The following SCN9A variants were observed in gnomAD, a reference collection of about 807,000 sequenced individuals.
SCN9A encodes sodium voltage-gated channel alpha subunit 9, also known as sodium channel protein type 9 subunit alpha.
A neutral mutation model predicts 187.0 loss-of-function variants in SCN9A; 131 were observed. The ratio of observed to expected loss-of-function variants is 0.70; its 90% CI spans 0.61 to 0.81. SCN9A has a LOEUF of 0.81. Among genes scored for constraint, SCN9A ranks in the 30% least tolerant of loss-of-function variants. The probability of loss-of-function intolerance (pLI) is 0.00; values close to 1 mark genes in which losing one functional copy is unlikely to be tolerated. For missense variants in SCN9A, 2,252 were observed against 2,396.6 expected (o/e 0.94, Z 1.26); for synonymous variants, 809 against 808.6 (o/e 1.00, Z -0.01).
chr2:166,232,852 A>ATAAT (rs1455368993), intron 21 of SCN9A, among the ~76,000 whole-genome samples: 1 of 147,532 alleles, frequency 6.8e-6, no homozygotes, highest in African/African-American at 2.5e-5. Flanking sequence ...AGTCTTTCAT[A>ATAAT]TTCTGTATAT....
At chr2:166,349,139 A>G (rs1699972768) in intron 1 of SCN9A, among the ~76,000 whole-genome samples, 1 of 151,918 alleles carries the variant, frequency 6.6e-6, no homozygotes, top group South Asian at 2.1e-4. Flanking sequence ...ACAAACAAAC[A>G]AACAAACAAA....
At chr2:166,284,313 A>T in intron 12 of SCN9A, 140 bp downstream of exon 12, 1 of 963,240 alleles carries the variant, frequency 1.0e-6, no homozygotes, top group South Asian at 1.5e-5. Flanking sequence ...TAGGCTAATG[A>T]ATCAAAGGTG....
At chr2:166,236,698 C>G (rs1381927021) in intron 20 of SCN9A, among the ~76,000 whole-genome samples, 3 of 152,300 alleles carry the variant, frequency 2.0e-5, no homozygotes. Context: ...GCTGGGATTA[C>G]AGGCGTGAGC....
chr2:166,293,728 C>T (rs755655469), intron 8 of SCN9A, among the ~76,000 whole-genome samples: 9 of 152,088 alleles, frequency 5.9e-5, no homozygotes, highest in Admixed American at 3.3e-4. Flanking sequence ...TTTCAACAGA[C>T]GTTTTGTGAT....
chr2:166,284,635 G>T lies in SCN9A; in HGVS notation c.1792C>A (p.Arg598Ser), dbSNP rs200065703. The T allele has an allele frequency of 3.1e-6, 5 of 1,613,988 alleles. No homozygotes were observed. In the African/African-American group the frequency reaches 4.0e-5, roughly 13 times the overall value. The change falls in exon 12 of 27, where the codon CGC (arginine) becomes AGC (serine). Residue 598 changes from arginine to serine, a missense_variant. Arg to Ser is a moderately radical substitution (Grantham distance 110). This residue lies in a region of SCN9A where 1,013 missense variants were observed against 997.4 expected (regional missense o/e 1.02). Transcript: ENST00000642356. ...CTGGCTTGGCTGATGTTACTGCTGC[G>T]TCGCTCCTGGGGTCTGTGGGGCACA... Reference protein sequence around the residue: ...LFVPHRPQERRSSNISQASRS... With the variant: ...LFVPHRPQERSSSNISQASRS...
intron 1 of SCN9A, among the ~76,000 whole-genome samples, chr2:166,344,305 G>C (rs1699852466): frequency 6.6e-6 from 1 of 151,852 alleles, no homozygotes; most frequent in East Asian, 1.9e-4. Context: ...TAATAATAAG[G>C]CTTTTTATTA....
At chr2:166,300,802 T>C (rs1698519715) in intron 7 of SCN9A, 1 of 150,924 alleles carries the variant, frequency 6.6e-6, no homozygotes, top group Non-Finnish European at 1.5e-5. Context: ...GAAGACAGGA[T>C]TGTGGTATAA....
chr2:166,248,776 C>T (rs978835247), intron 18 of SCN9A, among the ~76,000 whole-genome samples: 7 of 152,110 alleles, frequency 4.6e-5, no homozygotes, highest in African/African-American at 9.7e-5. Context: ...AAGTAATTCT[C>T]GTGCCTCAGC....
chr2:166,339,747 A>G (rs1699717986), intron 1 of SCN9A, among the ~76,000 whole-genome samples: 1 of 152,208 alleles, frequency 6.6e-6, no homozygotes, highest in South Asian at 2.1e-4. Context: ...TATAAAGGTT[A>G]CCTTAAAATC....
chr2:166,355,499 C>T (rs906877642), intron 1 of SCN9A, among the ~76,000 whole-genome samples: 3 of 151,496 alleles, frequency 2.0e-5, no homozygotes, highest in East Asian at 3.9e-4. Context: ...TTCTTGTTTG[C>T]CAAGGGATTG....
rs189533865 is a variant in SCN9A at position 166,355,952 on chromosome 2, T to C, written c.-51+19745A>G. Among the ~76,000 whole-genome samples, 1,507 of 152,268 alleles carry C rather than the reference T, an allele frequency of 9.9e-3. 8 individuals carry two copies. Among genetic ancestry groups the C allele is most frequent in the Non-Finnish European group, 0.017 (1,172 of 68,018 alleles). ...CACGCCCAGCTAATTTTTGTATTTT[T>C]AGTAGCGACAGGGTTTCACCATGTT... is the stretch of plus-strand genomic sequence containing the variant. On this transcript the variant is annotated intron_variant, in intron 1 of 26. Transcript: ENST00000642356.
intron 1 of SCN9A, among the ~76,000 whole-genome samples, chr2:166,360,643 T>C (rs1700261551): frequency 6.6e-6 from 1 of 152,230 alleles, no homozygotes; most frequent in African/African-American, 2.4e-5. Flanking sequence ...GTTTATTCCA[T>C]ATAATTAGCT....
chr2:166,204,317 T>A, intron 25 of SCN9A, 43 bp downstream of exon 25: 1 of 1,562,098 alleles, frequency 6.4e-7, no homozygotes, highest in Non-Finnish European at 8.7e-7. Context: ...GAATTAGAAA[T>A]AATTTGAAAA....
chr2:166,217,573 AAAG>A (rs1041062436), intron 24 of SCN9A, among the ~76,000 whole-genome samples: 13 of 152,256 alleles, frequency 8.5e-5, no homozygotes, highest in African/African-American at 3.1e-4. Flanking sequence ...ACATTTCTCA[AAAG>A]AAGAGATATG....
intron 17 of SCN9A, among the ~76,000 whole-genome samples, chr2:166,256,514 T>G (rs1469697273): frequency 6.6e-6 from 1 of 151,642 alleles, no homozygotes. Context: ...TAAGTTTTAA[T>G]GTTACTTCCA....
intron 10 of SCN9A, among the ~76,000 whole-genome samples, chr2:166,287,757 T>C (rs1201665712): frequency 6.6e-6 from 1 of 151,926 alleles, no homozygotes. Flanking sequence ...CAACCTAAAT[T>C]AGCCACACCA....
chr2:166,345,688 T>G (rs1379342648), intron 1 of SCN9A, among the ~76,000 whole-genome samples: 1 of 152,132 alleles, frequency 6.6e-6, no homozygotes, highest in Non-Finnish European at 1.5e-5. Context: ...ATTTATTGCT[T>G]TCCTTCTTCC....
Position 166,197,777 on chromosome 2 carries a change from C to A in SCN9A, c.*895G>T, listed in dbSNP as rs201465896. On this transcript the variant is annotated 3_prime_UTR_variant, in exon 27 of 27. Coordinates refer to ENST00000642356, the MANE Select transcript of SCN9A (RefSeq NM_001365536.1). The stretch of plus-strand genomic sequence containing the variant: ...AAATTTGACAAAAGAGTTTAAGAGA[C>A]TATTATCAGTATTTTGGGCAGCACA... The A allele has an allele frequency of 1.3e-5, 2 of 152,108 alleles. No individual in the cohort carries two copies. The highest frequency in any genetic ancestry group is 2.9e-5 in the Non-Finnish European group (2 of 67,996). 9.4% of individuals were successfully genotyped at this position (152,108 alleles called of 1,614,324 possible).
intron 4 of SCN9A, 145 bp from the exon 5 acceptor site, chr2:166,306,065 A>G: frequency 1.2e-6 from 1 of 812,438 alleles, no homozygotes; most frequent in Middle Eastern, 3.6e-4. Context: ...CTATTAAACT[A>G]CAATAGGTCT....
Sources: gnomAD v4.1 joint callset for allele counts (sites outside exome capture counted in the v4.1 genomes callset) on GRCh38, gnomAD v4.1.1 for gene constraint, gnomAD v4.1.1 regional missense constraint, MANE v1.5 for transcripts, NCBI Gene and HGNC (gene_info 2026-07-23, HGNC 2026-07-21) for gene names.